Variants in RHOBTB2 observed in about 807,000 individuals in gnomAD.
RHOBTB2 encodes the protein Rho related BTB domain containing 2.
RHOBTB2 carries 39 observed loss-of-function variants against 66.5 expected under a neutral mutation model. The observed-to-expected ratio is 0.59, with a 90% CI of 0.45 to 0.77. RHOBTB2 has a LOEUF of 0.77. RHOBTB2 is among the 30% of genes least tolerant of loss of function. The pLI is 0.00. For synonymous variants in RHOBTB2, 390 were observed against 395.0 expected (o/e 0.99, Z 0.15); for missense variants, 755 against 999.1 (o/e 0.76, Z 3.29).
Position 23,005,354 on chromosome 8 carries a change from C to G in RHOBTB2, c.193-18C>G. ...AAAACTGCTGCCTTCGAGTCCCACTCTTCCTCCCCGTCCCCAGGTGCTGGA... is the reference window on the plus strand; with the variant it reads ...AAAACTGCTGCCTTCGAGTCCCACTGTTCCTCCCCGTCCCCAGGTGCTGGA... On this transcript the variant is annotated intron_variant, in intron 2 of 9. Transcript: ENST00000251822. 1 of 1,598,580 alleles carries G rather than the reference C, an allele frequency of 6.3e-7. No individual in the cohort carries two copies. Among genetic ancestry groups the G allele is most frequent in the Non-Finnish European group, 8.6e-7 (1 of 1,166,326 alleles).
At chr8:23,005,278 G>GC in intron 2 of RHOBTB2, 94 bp from the exon 3 acceptor site, 1 of 881,212 alleles carries the variant, frequency 1.1e-6, no homozygotes, top group South Asian at 1.4e-5. Flanking sequence ...GATGTCTGGG[G>GC]CCCCCAGGTG....
the RHOBTB2 span, among the ~76,000 whole-genome samples, chr8:22,974,840 G>A: frequency 2.0e-5 from 3 of 152,114 alleles, no homozygotes; most frequent in African/African-American, 7.2e-5. Context: ...GCACAATCAG[G>A]TACTACTCAG....
At chr8:22,994,546 G>A in intron 2 of RHOBTB2, 2 of 1,527,556 alleles carry the variant, frequency 1.3e-6, no homozygotes, top group East Asian at 2.5e-5. Context: ...ATCCACTCCT[G>A]TTCCTCACAA....
intron 1 of RHOBTB2, among the ~76,000 whole-genome samples, chr8:23,001,715 A>G (rs1810790386): frequency 6.6e-6 from 1 of 152,156 alleles, no homozygotes; most frequent in Admixed American, 6.5e-5. Context: ...TGATGCCCAG[A>G]AAATATAAGT....
intron 1 of RHOBTB2, 145 bp downstream of exon 1, chr8:23,000,250 CAGCGGGGCTGG>C: frequency 2.3e-6 from 1 of 428,868 alleles, no homozygotes; most frequent in South Asian, 9.7e-5. Flanking sequence ...CTGCTGGGTA[CAGCGGGGCTGG>C]AGCCTAATCC....
chr8:22,991,609 T>C (rs1402065800), intron 1 of RHOBTB2, among the ~76,000 whole-genome samples: 4 of 152,172 alleles, frequency 2.6e-5, no homozygotes, highest in African/African-American at 7.2e-5. Context: ...ACCTGTTTTC[T>C]TGAAGAACCC....
chr8:22,978,647 G>A, the RHOBTB2 span, among the ~76,000 whole-genome samples: 1 of 149,886 alleles, frequency 6.7e-6, no homozygotes, highest in African/African-American at 2.5e-5. Context: ...TGTATTCCAC[G>A]TAACAGGAGG....
intron 7 of RHOBTB2, 47 bp downstream of exon 7, chr8:23,010,735 G>A: frequency 6.2e-7 from 1 of 1,600,638 alleles, no homozygotes; most frequent in Non-Finnish European, 8.5e-7. Context: ...AGAGGCCAGG[G>A]AAACCCCAAG....
the RHOBTB2 span, among the ~76,000 whole-genome samples, chr8:22,975,278 G>T: frequency 6.6e-6 from 1 of 152,156 alleles, no homozygotes. Context: ...GGGTGGAACG[G>T]GGTCTTCTCT....
intron 1 of RHOBTB2, among the ~76,000 whole-genome samples, chr8:22,990,732 T>C (rs1447386303): frequency 6.6e-6 from 1 of 152,168 alleles, no homozygotes; most frequent in Non-Finnish European, 1.5e-5. Flanking sequence ...TGAGGCACCC[T>C]GAACCGTGTG....
chr8:22,955,886 G>C, the RHOBTB2 span, among the ~76,000 whole-genome samples: 1 of 152,090 alleles, frequency 6.6e-6, no homozygotes, highest in African/African-American at 2.4e-5. Context: ...CAAATCTTTA[G>C]TGCCCACTCT....
chr8:22,985,876 CT>C (rs1194709573), upstream of RHOBTB2, among the ~76,000 whole-genome samples: 1 of 152,218 alleles, frequency 6.6e-6, no homozygotes, highest in Admixed American at 6.5e-5. Context: ...AGGCTCTCCC[CT>C]GGCCTACCCA....
the RHOBTB2 span, among the ~76,000 whole-genome samples, chr8:22,959,085 AC>A: frequency 6.6e-6 from 1 of 151,644 alleles, no homozygotes; most frequent in African/African-American, 2.4e-5. Context: ...ACTCTCCTTA[AC>A]CCCCTTAGGG....
At chr8:23,001,868 T>C (rs554203099) in intron 1 of RHOBTB2, among the ~76,000 whole-genome samples, 1 of 152,304 alleles carries the variant, frequency 6.6e-6, no homozygotes, top group Admixed American at 6.5e-5. Flanking sequence ...TGGAAGGGGT[T>C]GCGCAACCCA....
intron 1 of RHOBTB2, among the ~76,000 whole-genome samples, chr8:22,991,527 T>C (rs1042864932): frequency 1.3e-4 from 20 of 152,150 alleles, no homozygotes; most frequent in African/African-American, 4.8e-4. Context: ...CCCTGGACAG[T>C]TGAGGGCATT....
the RHOBTB2 span, among the ~76,000 whole-genome samples, chr8:22,970,030 G>C: frequency 6.6e-6 from 1 of 152,148 alleles, no homozygotes; most frequent in Non-Finnish European, 1.5e-5. Context: ...CCAAATTGTA[G>C]TATTTTATAC....
At chr8:22,955,644 A>G in the RHOBTB2 span, among the ~76,000 whole-genome samples, 3 of 139,656 alleles carry the variant, frequency 2.1e-5, no homozygotes, top group Non-Finnish European at 4.5e-5. Flanking sequence ...ATCATGGCTC[A>G]TTGCACCCTT....
chr8:23,020,170 T>A lies in RHOBTB2; in HGVS notation c.*2701T>A, dbSNP rs766812763. 89 of 417,526 alleles carry A rather than the reference T, an allele frequency of 2.1e-4. No homozygotes were observed. The highest frequency in any genetic ancestry group is 1.8e-3 in the African/African-American group (87 of 48,496). 25.9% of individuals were successfully genotyped at this position (417,526 alleles called of 1,614,324 possible). Reference sequence around the variant, plus strand: ...GTTTCATATTTAATTTGGTCATGGATTCATAAATACATAAGTATTTTGTAC... The same window carrying A: ...GTTTCATATTTAATTTGGTCATGGAATCATAAATACATAAGTATTTTGTAC... On this transcript the variant is annotated 3_prime_UTR_variant, in exon 10 of 10. Coordinates refer to ENST00000251822, the MANE Select transcript of RHOBTB2 (RefSeq NM_015178.3).
intron 6 of RHOBTB2, 107 bp from the exon 7 acceptor site, chr8:23,010,431 T>G: frequency 7.7e-7 from 1 of 1,307,000 alleles, no homozygotes; most frequent in Non-Finnish European, 1.1e-6. Flanking sequence ...GCTGCCCGTC[T>G]GGGGGAGCCT....
Sources: allele counts gnomAD v4.1 joint callset (sites outside exome capture counted in the v4.1 genomes callset), GRCh38; gene constraint gnomAD v4.1.1; transcripts MANE v1.5; gene names NCBI Gene and HGNC (gene_info 2026-07-23, HGNC 2026-07-21).